CYFIP1: variants seen among roughly 807,000 people sequenced by gnomAD.
CYFIP1 encodes cytoplasmic FMR1 interacting protein 1, also known as cytoplasmic FMR1-interacting protein 1.
A neutral mutation model predicts 163.5 loss-of-function variants in CYFIP1; 58 were observed. That is an observed-to-expected ratio of 0.35 (90% CI 0.29 to 0.44). The LOEUF (loss-of-function observed/expected upper bound fraction) is 0.44. Among genes scored for constraint, CYFIP1 ranks in the 20% least tolerant of loss-of-function variants. The probability of loss-of-function intolerance (pLI) is 1.00; values close to 1 mark genes in which losing one functional copy is unlikely to be tolerated. For missense variants in CYFIP1, 1,338 were observed against 1,653.8 expected, an observed-to-expected ratio of 0.81 and a Z score of 3.31; for synonymous variants, 663 against 660.7, an observed-to-expected ratio of 1.00 and a Z score of -0.05.
At chr15:22,939,657 T>C in intron 6 of CYFIP1, 150 bp from the exon 7 acceptor site, 2 of 680,428 alleles carry the variant, frequency 2.9e-6, no homozygotes, top group Non-Finnish European at 4.9e-6. Flanking sequence ...CCACCTATGA[T>C]TTCAGCCTTT....
chr15:22,938,135 G>A (rs1254600832), intron 8 of CYFIP1, among the ~76,000 whole-genome samples: 2 of 152,186 alleles, frequency 1.3e-5, no homozygotes, highest in Non-Finnish European at 2.9e-5. Context: ...AGAGCAAAGG[G>A]AACAGCCGAA....
chr15:22,891,099 A>T lies in CYFIP1; in HGVS notation c.2676+1791T>A, dbSNP rs1417739900. Among the ~76,000 whole-genome samples, 2 of 112,096 alleles carry T rather than the reference A, an allele frequency of 1.8e-5. 1 individual carries two copies. Among genetic ancestry groups the T allele is most frequent in the Non-Finnish European group, 3.7e-5 (2 of 54,074 alleles). 73.5% of individuals were successfully genotyped at this position (112,096 alleles called of 152,430 possible). On this transcript the variant is annotated intron_variant, in intron 23 of 30. Transcript: ENST00000617928. ...CTGAATTGTATTTTTTTCAATTGCCATCATAACATTGCTAAAAAAAATAAC... is the reference window on the plus strand; with the variant it reads ...CTGAATTGTATTTTTTTCAATTGCCTTCATAACATTGCTAAAAAAAATAAC...
At chr15:22,946,120 T>C (rs891281889) in intron 3 of CYFIP1, among the ~76,000 whole-genome samples, 7 of 151,212 alleles carry the variant, frequency 4.6e-5, no homozygotes, top group Non-Finnish European at 8.8e-5. Flanking sequence ...CTGGGCAACA[T>C]GGTGAGACCT....
chr15:22,893,344 T>A (rs1333141903), intron 22 of CYFIP1, among the ~76,000 whole-genome samples: 3 of 152,114 alleles, frequency 2.0e-5, no homozygotes, highest in Non-Finnish European at 4.4e-5. Context: ...GTGGTTCAGA[T>A]CACAAGTTAC....
chr15:22,882,004 C>T (rs1333367096), intron 24 of CYFIP1, 68 bp from the exon 25 acceptor site: 9 of 1,384,742 alleles, frequency 6.5e-6, no homozygotes, highest in Non-Finnish European at 9.1e-6. Flanking sequence ...GTGGCCGGCG[C>T]ATACCCTGAA....
intron 26 of CYFIP1, among the ~76,000 whole-genome samples, chr15:22,876,546 A>G (rs1328656737): frequency 1.3e-5 from 2 of 152,018 alleles, no homozygotes; most frequent in Non-Finnish European, 2.9e-5. Flanking sequence ...GAGTTTGTTT[A>G]TGTGAAGAAT....
intron 1 of CYFIP1, among the ~76,000 whole-genome samples, chr15:22,979,541 C>A (rs1686376352): frequency 6.6e-6 from 1 of 152,162 alleles, no homozygotes; most frequent in Non-Finnish European, 1.5e-5. Context: ...GACTTAATAG[C>A]GGAGCTGACA....
rs916058496 is a variant in CYFIP1 at position 22,923,942 on chromosome 15, CA to C, written c.1359+2039del. On this transcript the variant is annotated intron_variant, in intron 13 of 30. Coordinates refer to ENST00000617928, the MANE Select transcript of CYFIP1 (RefSeq NM_014608.6). ...GGGTGACAGAGTGAGACCTTGTCTC[CA>C]AAAAAAAAAAAAAAAAAAAAAACAA... Among the ~76,000 whole-genome samples the C allele has an allele frequency of 6.9e-3, 428 of 61,774 alleles. 4 individuals carry two copies. The highest frequency in any genetic ancestry group is 0.036 in the South Asian group (46 of 1,282). The allele number at this position is 61,774 out of a possible 152,430, so 40.5% of individuals were successfully genotyped here.
rs143949595 is a variant in CYFIP1, at chr15:22,936,993, C to T, written c.900+111G>A. ...AGAACGTGCATGCCCCAGACTCCAC[C>T]CAGCCCCAGCGTTTCCTGATATAGA... is the stretch of plus-strand genomic sequence containing the variant. On this transcript the variant is annotated intron_variant, in intron 9 of 30. Transcript: ENST00000617928. 2.8e-3 allele frequency: 2,063 copies of T among 735,812 alleles called. 27 individuals are homozygous for T. In the African/African-American group the frequency reaches 0.032, roughly 12 times the overall value. 45.6% of individuals were successfully genotyped at this position (735,812 alleles called of 1,614,324 possible). A position where few individuals can be genotyped will look rare whatever the true frequency, so the allele number is the denominator to read the frequency against.
intron 23 of CYFIP1, among the ~76,000 whole-genome samples, chr15:22,883,875 G>A (rs2059855792): frequency 6.6e-6 from 1 of 151,572 alleles, no homozygotes; most frequent in Admixed American, 6.6e-5. Flanking sequence ...CATGGCTGGG[G>A]AGGCCTCAGA....
chr15:22,879,995 G>A lies in CYFIP1; in HGVS notation c.2960C>T (p.Ala987Val), dbSNP rs747042337. 1 of 1,613,966 alleles carries A rather than the reference G, an allele frequency of 6.2e-7. No homozygotes were observed. Among genetic ancestry groups the A allele is most frequent in the South Asian group, 1.1e-5 (1 of 91,084 alleles). ...HHQLKDIVEY[A>V]ELKTVCFQNL... ...CTGGAAGCACACCGTCTTCAGCTCT[G>A]CGTACTCCACGATGTCCTTCAGCTG... Residue 987 changes from alanine to valine, a missense_variant, in exon 26 of 31, where the codon GCA becomes GTA. Ala to Val is a moderately conservative substitution (Grantham distance 64). Transcript: ENST00000617928.
At chr15:22,971,148 A>G (rs1331053620) in intron 1 of CYFIP1, among the ~76,000 whole-genome samples, 1 of 152,238 alleles carries the variant, frequency 6.6e-6, no homozygotes, top group East Asian at 1.9e-4. Flanking sequence ...CATCGGATCT[A>G]AAACTATAAA....
chr15:22,954,730 T>C (rs2062384826), intron 1 of CYFIP1, among the ~76,000 whole-genome samples: 1 of 152,244 alleles, frequency 6.6e-6, no homozygotes. Flanking sequence ...CTTGTCAAGA[T>C]ATAAAAATGA....
At chr15:22,905,663 C>A (rs2060549716) in intron 21 of CYFIP1, among the ~76,000 whole-genome samples, 1 of 151,752 alleles carries the variant, frequency 6.6e-6, no homozygotes, top group Non-Finnish European at 1.5e-5. Flanking sequence ...TGGTCTCGAT[C>A]TCCTGACCTC....
intron 26 of CYFIP1, 105 bp downstream of exon 26, chr15:22,879,808 G>A: frequency 1.3e-6 from 1 of 769,194 alleles, no homozygotes; most frequent in Non-Finnish European, 2.0e-6. Context: ...CACAGCTGTT[G>A]CCACACCCCC....
Position 22,869,323 on chromosome 15 carries a change from G to A in CYFIP1, c.*705C>T, listed in dbSNP as rs958639461. ...AAGCTAAACCTGTGCTGAGGTGAGCGGTATATGGGATGGTGTCACGGTCCC... is the reference window on the plus strand; with the variant it reads ...AAGCTAAACCTGTGCTGAGGTGAGCAGTATATGGGATGGTGTCACGGTCCC... On this transcript the variant is annotated 3_prime_UTR_variant, in exon 31 of 31. Transcript: ENST00000617928. 3 of 152,050 alleles carry A rather than the reference G, an allele frequency of 2.0e-5. No homozygotes were observed. The highest frequency in any genetic ancestry group is 4.8e-5 in the African/African-American group (2 of 41,336). The allele number at this position is 152,050 out of a possible 1,614,324, so 9.4% of individuals were successfully genotyped here.
chr15:22,932,288 T>C lies in CYFIP1; in HGVS notation c.1045A>G (p.Met349Val), dbSNP rs1266657860. Residue 349 changes from methionine (M) to valine (V), a missense_variant, in exon 11 of 31, where the codon ATG becomes GTG. Coordinates refer to ENST00000617928, the MANE Select transcript of CYFIP1 (RefSeq NM_014608.6). ...ATGTGGTCCTCGCGGATCTGGATCA[T>C]CTGCTCGCAGATGTTGTACTGAGGG... ...SSPQYNICEQ[M>V]IQIREDHMRF... 6.2e-7 allele frequency: 1 copy of C among 1,613,138 alleles called. No homozygotes were observed. Among genetic ancestry groups the C allele is most frequent in the Admixed American group, 1.7e-5 (1 of 59,860 alleles).
At chr15:22,946,588 C>A (rs372026858) in intron 3 of CYFIP1, 46 of 323,622 alleles carry the variant, frequency 1.4e-4, no homozygotes, top group African/African-American at 6.9e-4. Context: ...TTGCAGTGAA[C>A]CAAGATCGCG....
At position 22,909,226 on chromosome 15, in the gene CYFIP1, G is replaced by A; in HGVS notation, c.2356C>T (p.Arg786Ter). The change falls in exon 21 of 31, where the codon CGA becomes TGA. Residue 786 changes from arginine to a stop codon, truncating the protein, a stop_gained. Coordinates refer to ENST00000617928, the MANE Select transcript of CYFIP1 (RefSeq NM_014608.6). LOFTEE classifies it high-confidence loss of function. ...GAGGTCAAATCTTCACTTTCAAATCGTCCAATCGCCAGTTCTAGGGACTTA... is the reference window on the plus strand; with the variant it reads ...GAGGTCAAATCTTCACTTTCAAATCATCCAATCGCCAGTTCTAGGGACTTA... ...MYKSLELAIG[R>*]FESEDLTSIV... The A allele has an allele frequency of 2.5e-6, 4 of 1,614,094 alleles. No individual in the cohort carries two copies. The highest frequency in any genetic ancestry group is 3.4e-6 in the Non-Finnish European group (4 of 1,179,984).
Sources: gnomAD v4.1 joint callset for allele counts (sites outside exome capture counted in the v4.1 genomes callset) on GRCh38, gnomAD v4.1.1 for gene constraint, MANE v1.5 for transcripts, NCBI Gene and HGNC (gene_info 2026-07-23, HGNC 2026-07-21) for gene names.